DISP1: variants seen among roughly 807,000 people sequenced by gnomAD.
DISP1 encodes protein dispatched homolog 1.
Under a neutral mutation model 37.3 loss-of-function variants are expected in DISP1, and 30 were observed. The observed-to-expected ratio is 0.80, with a 90% CI of 0.60 to 1.09. The LOEUF (loss-of-function observed/expected upper bound fraction) is 1.09, where lower values mean the gene tolerates loss of function less well. DISP1 is among the 50% of genes least tolerant of loss of function. The probability of loss-of-function intolerance (pLI) is 0.00; values close to 1 mark genes in which losing one functional copy is unlikely to be tolerated. For synonymous variants in DISP1, 634 were observed against 690.2 expected, an observed-to-expected ratio of 0.92 and a Z score of 1.28; for missense variants, 1,598 against 1,879.5, an observed-to-expected ratio of 0.85 and a Z score of 2.77.
intron 1 of DISP1, among the ~76,000 whole-genome samples, chr1:222,876,536 GTAAA>G (rs772081185): frequency 6.6e-6 from 1 of 152,142 alleles, no homozygotes; most frequent in East Asian, 1.9e-4. Context: ...AAAAGAAGAG[GTAAA>G]TAAATTTTAA....
chr1:222,822,876 C>T (rs570370595), intron 1 of DISP1, among the ~76,000 whole-genome samples: 34 of 152,304 alleles, frequency 2.2e-4, no homozygotes, highest in Admixed American at 8.5e-4. Flanking sequence ...TTTCTCATCT[C>T]CTAAGTGTCC....
chr1:222,842,725 G>A (rs1338055188), intron 1 of DISP1, among the ~76,000 whole-genome samples: 1 of 151,920 alleles, frequency 6.6e-6, no homozygotes, highest in Admixed American at 6.6e-5. Flanking sequence ...TTTATTAATG[G>A]TACTAAGAAG....
At chr1:222,953,471 A>G (rs2125522241) in intron 3 of DISP1, among the ~76,000 whole-genome samples, 1 of 152,330 alleles carries the variant, frequency 6.6e-6, no homozygotes, top group East Asian at 1.9e-4. Context: ...ATAGGAAAAG[A>G]TGGTCACTCA....
At chr1:222,896,097 A>T (rs1457661902) in intron 1 of DISP1, among the ~76,000 whole-genome samples, 1 of 150,964 alleles carries the variant, frequency 6.6e-6, no homozygotes. Flanking sequence ...ATAGCTTTAC[A>T]TCCAGGAATT....
intron 1 of DISP1, among the ~76,000 whole-genome samples, chr1:222,836,758 T>C (rs150712336): frequency 0.16 from 23,108 of 142,406 alleles, 1,985 homozygotes; most frequent in South Asian, 0.26. Context: ...TATATATATA[T>C]ATATACACAC....
chr1:222,999,845 C>A (rs140726845), intron 8 of DISP1, among the ~76,000 whole-genome samples: 247 of 152,198 alleles, frequency 1.6e-3, no homozygotes, highest in South Asian at 7.1e-3. Context: ...TATTTCTTAC[C>A]CTGTATGAGT....
At chr1:222,970,463 T>C (rs1433039221) in intron 3 of DISP1, among the ~76,000 whole-genome samples, 1 of 152,242 alleles carries the variant, frequency 6.6e-6, no homozygotes, top group African/African-American at 2.4e-5. Context: ...ATCATTTTTA[T>C]TGCCTATTCA....
At chr1:222,910,926 T>G (rs957948721) in intron 1 of DISP1, among the ~76,000 whole-genome samples, 2 of 152,204 alleles carry the variant, frequency 1.3e-5, no homozygotes, top group Admixed American at 1.3e-4. Context: ...ATTTTGAACC[T>G]TTTGGAATCC....
At chr1:222,927,941 T>C (rs1426075227) in intron 1 of DISP1, among the ~76,000 whole-genome samples, 1 of 152,238 alleles carries the variant, frequency 6.6e-6, no homozygotes, top group Non-Finnish European at 1.5e-5. Context: ...CCATGAACTT[T>C]CTGTCCTAAA....
At chr1:222,851,319 G>A (rs765172069) in intron 1 of DISP1, among the ~76,000 whole-genome samples, 2 of 151,984 alleles carry the variant, frequency 1.3e-5, no homozygotes, top group African/African-American at 2.4e-5. Context: ...GCCCGCCTCC[G>A]CCTCCCAAAG....
intron 1 of DISP1, among the ~76,000 whole-genome samples, chr1:222,925,504 A>G (rs1455641946): frequency 6.6e-6 from 1 of 152,138 alleles, no homozygotes; most frequent in African/African-American, 2.4e-5. Flanking sequence ...CATTTGGCAT[A>G]CATATGACAT....
rs190873859 is a variant in DISP1, at chr1:222,917,301, C to A, written c.-158-11129C>A. Among the ~76,000 whole-genome samples, 76 of 152,260 alleles carry A rather than the reference C, an allele frequency of 5.0e-4. 1 individual carries two copies. The East Asian group carries it at 0.014, about 29-fold the overall frequency. Reference sequence around the variant, plus strand: ...GTGGCAAACTGCGGCAAGTGGCACCCAAACAGGGGCGAACAGGGACAGATA... The same window carrying A: ...GTGGCAAACTGCGGCAAGTGGCACCAAAACAGGGGCGAACAGGGACAGATA... On this transcript the variant is annotated intron_variant, in intron 1 of 8. Transcript: ENST00000675850.
chr1:222,866,925 C>T (rs769787831), intron 1 of DISP1, among the ~76,000 whole-genome samples: 3 of 152,058 alleles, frequency 2.0e-5, no homozygotes, highest in Middle Eastern at 3.2e-3. Flanking sequence ...TAAATTCAGT[C>T]CAATGAAGAA....
intron 8 of DISP1, among the ~76,000 whole-genome samples, chr1:223,001,943 A>G (rs1679484894): frequency 1.3e-5 from 2 of 152,246 alleles, no homozygotes. Flanking sequence ...CCAGAATTTT[A>G]GGCAAAACCA....
intron 3 of DISP1, among the ~76,000 whole-genome samples, chr1:222,966,386 A>C (rs1676490555): frequency 6.6e-6 from 1 of 152,214 alleles, no homozygotes. Flanking sequence ...CAGGTTATAT[A>C]AGATCTATAC....
intron 1 of DISP1, among the ~76,000 whole-genome samples, chr1:222,817,161 T>G (rs926371113): frequency 6.6e-6 from 1 of 152,244 alleles, no homozygotes; most frequent in Non-Finnish European, 1.5e-5. Context: ...TTTAGCTTTC[T>G]CTCTAGATAA....
rs1337770054 is a variant in DISP1 at position 223,004,150 on chromosome 1, A to G, written c.2753A>G (p.Asp918Gly). The G allele has an allele frequency of 1.9e-6, 3 of 1,614,072 alleles. No individual in the cohort carries two copies. In the South Asian group the frequency reaches 3.3e-5, roughly 18 times the overall value. ...CCAGGGCCGAGGTTTGATATCAATG[A>G]TACTATCAGGGCAGTGGTGTTAGAG... ...KTPGPRFDIN[D>G]TIRAVVLEFQ... The change falls in exon 9 of 9, where the codon GAT becomes GGT. Residue 918 changes from aspartate (D) to glycine (G), a missense_variant. Transcript: ENST00000675850. This position sits in a 1 kb window ranked among gnomAD's most constrained non-coding sequence, Gnocchi z 4.9.
intron 1 of DISP1, among the ~76,000 whole-genome samples, chr1:222,870,060 A>G (rs1669447014): frequency 6.6e-6 from 1 of 151,656 alleles, no homozygotes; most frequent in South Asian, 2.1e-4. Context: ...TGTCCTTGCG[A>G]TAGTTTGCTG....
At chr1:222,829,968 G>A (rs745959135) in intron 1 of DISP1, among the ~76,000 whole-genome samples, 2 of 152,020 alleles carry the variant, frequency 1.3e-5, no homozygotes, top group Non-Finnish European at 2.9e-5. Flanking sequence ...TTGATTTAGT[G>A]TTTTTGGCAA....
Sources: gnomAD v4.1 joint callset for allele counts (sites outside exome capture counted in the v4.1 genomes callset) on GRCh38, gnomAD v4.1.1 for gene constraint, Gnocchi (gnomAD v3.1) non-coding constraint, MANE v1.5 for transcripts, NCBI Gene and HGNC (gene_info 2026-07-23, HGNC 2026-07-21) for gene names.